The following PLA2G4B variants were observed in gnomAD, a reference collection of about 807,000 sequenced individuals.
PLA2G4B encodes phospholipase A2 group IVB.
In PLA2G4B, 122 loss-of-function variants were observed where a neutral mutation model predicts 95.8. That is an observed-to-expected ratio of 1.27 (90% CI 1.10 to 1.48). The LOEUF is 1.48. Ranked by LOEUF, PLA2G4B falls within the 40% of genes most tolerant of loss-of-function variation. The pLI is 0.00. For missense variants in PLA2G4B, 1,158 were observed against 996.2 expected, an observed-to-expected ratio of 1.16 and a Z score of -2.19; for synonymous variants, 518 against 421.5, an observed-to-expected ratio of 1.23 and a Z score of -2.80.
chr15:41,842,660 TGGA>T, intron 10 of PLA2G4B, 69 bp downstream of exon 10: 2 of 1,582,380 alleles, frequency 1.3e-6, no homozygotes, highest in Non-Finnish European at 1.7e-6. Context: ...GGAGGAGGCC[TGGA>T]GGAGTGAGGG....
chr15:41,846,140 G>A, intron 16 of PLA2G4B, 63 bp from the exon 17 acceptor site: 1 of 1,590,828 alleles, frequency 6.3e-7, no homozygotes, highest in Non-Finnish European at 8.6e-7. Flanking sequence ...CCCCCTCCAG[G>A]GTCACCACCA....
intron 10 of PLA2G4B, among the ~76,000 whole-genome samples, chr15:41,843,378 G>GA (rs1318344136): frequency 6.6e-6 from 1 of 151,766 alleles, no homozygotes; most frequent in Non-Finnish European, 1.5e-5. Flanking sequence ...ACGAGACTTG[G>GA]AGGGGGGGGA....
At chr15:41,843,864 C>G in intron 11 of PLA2G4B, 53 bp downstream of exon 11, 1 of 1,598,864 alleles carries the variant, frequency 6.3e-7, no homozygotes, top group South Asian at 1.1e-5. Context: ...GGCCTAGCTC[C>G]TGGTGCTGAA....
At position 41,847,838 on chromosome 15, in the gene PLA2G4B, G is replaced by T; in HGVS notation, c.2324G>T (p.Arg775Met). 6.2e-7 allele frequency: 1 copy of T among 1,612,910 alleles called. No homozygotes were observed. The highest frequency in any genetic ancestry group is 8.5e-7 in the Non-Finnish European group (1 of 1,179,952). The change falls in exon 20 of 20, where the codon AGG (arginine) becomes ATG (methionine). Residue 775 changes from arginine to methionine, a missense_variant. Arg to Met is a moderately conservative substitution (Grantham distance 91). Coordinates refer to ENST00000458483, the MANE Select transcript of PLA2G4B (RefSeq NM_001114633.2). Reference sequence around the variant, plus strand: ...GCTCTGCGCCAGGCAGTGCAGCGGAGGCGGCAGCGCAGGCCCCACTGATGG... The same window carrying T: ...GCTCTGCGCCAGGCAGTGCAGCGGATGCGGCAGCGCAGGCCCCACTGATGG... ...LEALRQAVQR[R>M]RQRRPH
At position 41,843,694 on chromosome 15, in the gene PLA2G4B, G is replaced by A. The variant is rs748230945; in HGVS notation, c.762G>A (p.Val254=). ...CGGCCAGACTGAGGGAGCTGGCCGT[G>A]CGACTGGGCTTCGGGCCCTGTGCAG... ...KKEAGLRELA[V]RLGFGPCAEE... is the part of the protein sequence containing the mutation. The change falls in exon 11 of 20, where the codon GTG becomes GTA. Residue 254 remains valine, a synonymous_variant. Transcript: ENST00000458483. 1 of 1,613,522 alleles carries A rather than the reference G, an allele frequency of 6.2e-7. No homozygotes were observed.
Position 41,840,577 on chromosome 15 carries a change from A to G in PLA2G4B, c.136A>G (p.Arg46Gly). 6.2e-7 allele frequency: 1 copy of G among 1,613,924 alleles called. No homozygotes were observed. The highest frequency in any genetic ancestry group is 8.5e-7 in the Non-Finnish European group (1 of 1,180,010). The stretch of plus-strand genomic sequence containing the variant: ...CTGGCTGCCCACGGCCTGCAGCCAC[A>G]GGCTCCAGACACGCACGGTCAAGAA... Reference protein sequence around the residue: ...TLWLPTACSHRLQTRTVKNSS... With the variant: ...TLWLPTACSHGLQTRTVKNSS... Residue 46 changes from arginine to glycine, a missense_variant, in exon 3 of 20, where the codon AGG becomes GGG. Coordinates refer to ENST00000458483, the MANE Select transcript of PLA2G4B (RefSeq NM_001114633.2).
chr15:41,846,414 C>A, intron 17 of PLA2G4B, 32 bp downstream of exon 17: 1 of 1,583,950 alleles, frequency 6.3e-7, no homozygotes, highest in Non-Finnish European at 8.6e-7. Flanking sequence ...CCTCCTGTGG[C>A]CACCTGAGCC....
rs11415282 is a variant in PLA2G4B at position 41,843,081 on chromosome 15, C to CTT, written c.743+506_743+507dup. The CTT allele has an allele frequency of 1.6e-3, 208 of 131,208 alleles. 2 individuals carry two copies. The East Asian group carries it at 0.027, about 17-fold the overall frequency. The allele number at this position is 131,208 out of a possible 1,614,324, so 8.1% of individuals were successfully genotyped here. A position where few individuals can be genotyped will look rare whatever the true frequency, so the allele number is the denominator to read the frequency against. ...GTCCTTTTCTGCCCCGCCCCCTGCC[C>CTT]TTTTTTTTTTTTTTTTTGAGATGGA... On this transcript the variant is annotated intron_variant, in intron 10 of 19. Transcript: ENST00000458483.
intron 11 of PLA2G4B, 130 bp from the exon 12 acceptor site, chr15:41,844,341 C>G: frequency 6.8e-7 from 1 of 1,471,920 alleles, no homozygotes. Flanking sequence ...TGACTGAGAA[C>G]TGGTCCCAAG....
At chr15:41,843,081 CTTTT>C (rs11415282) in intron 10 of PLA2G4B, 4 of 131,222 alleles carry the variant, frequency 3.0e-5, no homozygotes, top group Non-Finnish European at 6.4e-5. Context: ...GCCCCCTGCC[CTTTT>C]TTTTTTTTTT....
chr15:41,844,972 C>T lies in PLA2G4B; in HGVS notation c.1141C>T (p.Arg381Trp), dbSNP rs202049627. Residue 381 changes from arginine to tryptophan, a missense_variant, in exon 13 of 20, where the codon CGG (arginine) becomes TGG (tryptophan). Transcript: ENST00000458483. The stretch of plus-strand genomic sequence containing the variant: ...TGTGCTGGCCCCCAGCCAGCTGCAG[C>T]GGTACCGGCAGGAGCTGGCCGAGCG... ...LGVLAPSQLQ[R>W]YRQELAERAR... is the part of the protein sequence containing the mutation. 59 of 1,610,954 alleles carry T rather than the reference C, an allele frequency of 3.7e-5. No individual in the cohort carries two copies. The African/African-American group carries it at 5.1e-4, about 14-fold the overall frequency.
intron 4 of PLA2G4B, 62 bp downstream of exon 4, chr15:41,840,967 C>G: frequency 6.3e-7 from 1 of 1,589,110 alleles, no homozygotes; most frequent in Non-Finnish European, 8.6e-7. Context: ...CACGCGCACA[C>G]ATGCACACAC....
At chr15:41,847,592 T>C in intron 19 of PLA2G4B, 57 bp from the exon 20 acceptor site, 1 of 1,611,838 alleles carries the variant, frequency 6.2e-7, no homozygotes, top group Non-Finnish European at 8.5e-7. Flanking sequence ...CCTGTGCCTC[T>C]CCAAACCTGT....
rs1595429448 is a variant in PLA2G4B, at chr15:41,847,889, T to C, written c.*29T>C. 6.3e-7 allele frequency: 1 copy of C among 1,595,934 alleles called. No homozygotes were observed. Among genetic ancestry groups the C allele is most frequent in the South Asian group, 1.1e-5 (1 of 89,932 alleles). On this transcript the variant is annotated 3_prime_UTR_variant, in exon 20 of 20. Transcript: ENST00000458483. Reference sequence around the variant, plus strand: ...CCGGGGCCCCTGCCACCCCTAACTCTCATTCATTCCCTGGCTGCTGAGTTG... The same window carrying C: ...CCGGGGCCCCTGCCACCCCTAACTCCCATTCATTCCCTGGCTGCTGAGTTG...
At position 41,847,506 on chromosome 15, in the gene PLA2G4B, G is replaced by C. The variant is rs762465564; in HGVS notation, c.2117G>C (p.Arg706Pro). 1.9e-6 allele frequency: 3 copies of C among 1,606,058 alleles called. No homozygotes were observed. The highest frequency in any genetic ancestry group is 2.6e-6 in the Non-Finnish European group (3 of 1,174,296). ...LHFPLVSDSF[R>P]EYSAPGVRRT... Reference sequence around the variant, plus strand: ...TTTCCTCTGGTCAGCGACTCCTTCCGGGAGTACTCGGCCCCTGGTGAGCTG... The same window carrying C: ...TTTCCTCTGGTCAGCGACTCCTTCCCGGAGTACTCGGCCCCTGGTGAGCTG... Residue 706 changes from arginine to proline, a missense_variant, in exon 19 of 20, where the codon CGG becomes CCG. Transcript: ENST00000458483.
Position 41,847,855 on chromosome 15 carries a change from C to T in PLA2G4B, c.2341C>T (p.His781Tyr), listed in dbSNP as rs764194925. The T allele has an allele frequency of 2.5e-6, 4 of 1,612,204 alleles. No homozygotes were observed. In the South Asian group the frequency reaches 3.3e-5, roughly 13 times the overall value. The change falls in exon 20 of 20, where the codon CAC (histidine) becomes TAC (tyrosine). Residue 781 changes from histidine to tyrosine, a missense_variant. Transcript: ENST00000458483. The stretch of plus-strand genomic sequence containing the variant: ...GCAGCGGAGGCGGCAGCGCAGGCCC[C>T]ACTGATGGCCGGGGCCCCTGCCACC... ...AVQRRRQRRPH is the reference protein window; with the variant it reads ...AVQRRRQRRPY
Position 41,847,470 on chromosome 15 carries a change from C to T in PLA2G4B, c.2081C>T (p.Ala694Val), listed in dbSNP as rs142316366. 6.8e-5 allele frequency: 110 copies of T among 1,612,276 alleles called. No individual in the cohort carries two copies. Among genetic ancestry groups the T allele is most frequent in the African/African-American group, 6.7e-4 (50 of 75,002 alleles). Residue 694 changes from alanine to valine, a missense_variant, in exon 19 of 20, where the codon GCG becomes GTG. Transcript: ENST00000458483. ...FSDPTCPGAP[A>V]VLHFPLVSDS... ...GACCCCACCTGCCCCGGAGCCCCTG[C>T]GGTGCTGCACTTTCCTCTGGTCAGC...
chr15:41,846,134 C>T, intron 16 of PLA2G4B, 69 bp from the exon 17 acceptor site: 1 of 1,588,598 alleles, frequency 6.3e-7, no homozygotes, highest in Non-Finnish European at 8.6e-7. Context: ...CCTCTTCCCC[C>T]TCCAGGGTCA....
chr15:41,846,968 C>A lies in PLA2G4B; in HGVS notation c.1947+133C>A. The A allele has an allele frequency of 7.2e-6, 9 of 1,241,494 alleles. No individual in the cohort carries two copies. The South Asian group carries it at 1.3e-4, about 17-fold the overall frequency. The allele number at this position is 1,241,494 out of a possible 1,614,324, so 76.9% of individuals were successfully genotyped here. On this transcript the variant is annotated intron_variant, in intron 18 of 19. Coordinates refer to ENST00000458483, the MANE Select transcript of PLA2G4B (RefSeq NM_001114633.2). ...ATTGGGACACTGGAATCTTAATTTG[C>A]CACCAGAGGAGCTCATTCTTTTCCG...
Sources: gnomAD v4.1 joint callset for allele counts (sites outside exome capture counted in the v4.1 genomes callset) on GRCh38, gnomAD v4.1.1 for gene constraint, MANE v1.5 for transcripts, NCBI Gene and HGNC (gene_info 2026-07-23, HGNC 2026-07-21) for gene names.